EMCN: variants seen among roughly 807,000 people sequenced by gnomAD.
EMCN encodes the protein MUC-14.
EMCN carries 37 observed loss-of-function variants against 38.4 expected under a neutral mutation model. The ratio of observed to expected loss-of-function variants is 0.96; its 90% CI spans 0.74 to 1.27. EMCN has a LOEUF of 1.27. Among genes scored for constraint, EMCN ranks in the 50% most tolerant of loss-of-function variants. EMCN has a pLI of 0.00. For missense variants in EMCN, 318 were observed against 302.8 expected, an observed-to-expected ratio of 1.05 and a Z score of -0.37; for synonymous variants, 95 against 100.8, an observed-to-expected ratio of 0.94 and a Z score of 0.35.
chr4:100,511,104 G>A (rs1729614545), intron 1 of EMCN, among the ~76,000 whole-genome samples: 1 of 152,066 alleles, frequency 6.6e-6, no homozygotes, highest in Non-Finnish European at 1.5e-5. Flanking sequence ...TTACTCGAGC[G>A]GTAAGTCTTT....
At chr4:100,463,992 A>G (rs973718075) in intron 4 of EMCN, among the ~76,000 whole-genome samples, 1 of 152,196 alleles carries the variant, frequency 6.6e-6, no homozygotes, top group Admixed American at 6.5e-5. Flanking sequence ...TTAATCAATT[A>G]TTGATCAACT....
At chr4:100,514,950 TTAAC>T (rs1729715196) in intron 1 of EMCN, among the ~76,000 whole-genome samples, 1 of 152,074 alleles carries the variant, frequency 6.6e-6, no homozygotes, top group Non-Finnish European at 1.5e-5. Flanking sequence ...ACGGTGAGGG[TTAAC>T]TTTTATTAAG....
intron 1 of EMCN, among the ~76,000 whole-genome samples, chr4:100,495,973 T>C (rs529790919): frequency 9.2e-5 from 14 of 152,254 alleles, no homozygotes; most frequent in Admixed American, 5.9e-4. Context: ...TTATATTGAT[T>C]ATATGATTTA....
intron 1 of EMCN, among the ~76,000 whole-genome samples, chr4:100,511,581 G>A (rs1277828046): frequency 6.6e-6 from 1 of 152,120 alleles, no homozygotes; most frequent in African/African-American, 2.4e-5. Flanking sequence ...GCAAATAATT[G>A]CCTTAGAACA....
chr4:100,410,249 G>T, intron 11 of EMCN, 33 bp downstream of exon 11: 1 of 1,374,798 alleles, frequency 7.3e-7, no homozygotes, highest in South Asian at 1.2e-5. Context: ...AGATATTAAT[G>T]ATTGTCTCCG....
intron 5 of EMCN, among the ~76,000 whole-genome samples, chr4:100,429,199 G>A (rs1727132640): frequency 6.6e-6 from 1 of 152,112 alleles, no homozygotes; most frequent in Admixed American, 6.6e-5. Context: ...TCAGGGAAAG[G>A]AGAACATGAG....
At chr4:100,417,261 T>C in intron 8 of EMCN, 120 bp from the exon 9 acceptor site, 1 of 912,460 alleles carries the variant, frequency 1.1e-6, no homozygotes, top group Non-Finnish European at 1.8e-6. Flanking sequence ...TGTTTCTAAG[T>C]CATTTTAAAA....
intron 1 of EMCN, among the ~76,000 whole-genome samples, chr4:100,485,105 G>A (rs891870151): frequency 2.0e-5 from 3 of 152,052 alleles, no homozygotes; most frequent in African/African-American, 7.2e-5. Context: ...CTAATTACCA[G>A]GTGGTCTTAT....
At chr4:100,415,481 T>C (rs539226351) in intron 10 of EMCN, among the ~76,000 whole-genome samples, 2 of 152,328 alleles carry the variant, frequency 1.3e-5, no homozygotes, top group African/African-American at 4.8e-5. Flanking sequence ...TAAATGTATA[T>C]AAATGATATA....
At chr4:100,413,263 A>G (rs973608508) in intron 10 of EMCN, among the ~76,000 whole-genome samples, 2 of 152,190 alleles carry the variant, frequency 1.3e-5, no homozygotes, top group African/African-American at 4.8e-5. Context: ...TATTTGTTCT[A>G]TCAATTGTTT....
At chr4:100,438,940 G>T (rs1344398732) in intron 5 of EMCN, among the ~76,000 whole-genome samples, 1 of 151,836 alleles carries the variant, frequency 6.6e-6, no homozygotes, top group Non-Finnish European at 1.5e-5. Context: ...AATCCCACTT[G>T]GTCACAATAT....
chr4:100,453,362 G>T (rs909513683), intron 4 of EMCN, among the ~76,000 whole-genome samples: 1 of 152,030 alleles, frequency 6.6e-6, no homozygotes, highest in Non-Finnish European at 1.5e-5. Context: ...GTGGGCAAAG[G>T]ATATGAACAG....
rs576633846 is a variant in EMCN, at chr4:100,500,107, A to C, written c.64+17744T>G. Among the ~76,000 whole-genome samples, 4 of 152,296 alleles carry C rather than the reference A, an allele frequency of 2.6e-5. No homozygotes were observed. The East Asian group carries it at 7.7e-4, about 29-fold the overall frequency. ...GATAATACAGATTTATTTGTAAAAA[A>C]AAGAGTTTGTTATTGTCACAAAACA... is the stretch of plus-strand genomic sequence containing the variant. On this transcript the variant is annotated intron_variant, in intron 1 of 11. Coordinates refer to ENST00000296420, the MANE Select transcript of EMCN (RefSeq NM_016242.4).
chr4:100,452,768 C>T (rs1156378402), intron 4 of EMCN, among the ~76,000 whole-genome samples: 1 of 152,106 alleles, frequency 6.6e-6, no homozygotes, highest in Non-Finnish European at 1.5e-5. Context: ...CACTACCTGA[C>T]TTCAAACTAT....
chr4:100,464,895 T>G (rs1728273541), intron 4 of EMCN, among the ~76,000 whole-genome samples: 1 of 152,080 alleles, frequency 6.6e-6, no homozygotes, highest in Admixed American at 6.6e-5. Flanking sequence ...GATAATTATT[T>G]GTGCAGTGTT....
chr4:100,412,696 AT>A (rs1000213757), intron 10 of EMCN, among the ~76,000 whole-genome samples: 1 of 151,912 alleles, frequency 6.6e-6, no homozygotes, highest in Non-Finnish European at 1.5e-5. Context: ...TTTGATGCCC[AT>A]TTTTTTTCCT....
chr4:100,459,151 A>G (rs1378435774), intron 4 of EMCN, among the ~76,000 whole-genome samples: 1 of 143,670 alleles, frequency 7.0e-6, no homozygotes, highest in Non-Finnish European at 1.5e-5. Flanking sequence ...TCCTAGCTGG[A>G]GCCATTGCCC....
chr4:100,498,713 A>C (rs1040415848), intron 1 of EMCN, among the ~76,000 whole-genome samples: 1 of 152,192 alleles, frequency 6.6e-6, no homozygotes, highest in African/African-American at 2.4e-5. Context: ...AAGTGCTGGG[A>C]GTACAGGCGT....
At chr4:100,424,395 G>T (rs1024646266) in intron 5 of EMCN, among the ~76,000 whole-genome samples, 2 of 152,034 alleles carry the variant, frequency 1.3e-5, no homozygotes, top group African/African-American at 2.4e-5. Context: ...GGTACAGGGG[G>T]TATGCAGTCA....
Sources: gnomAD v4.1 joint callset for allele counts (sites outside exome capture counted in the v4.1 genomes callset) on GRCh38, gnomAD v4.1.1 for gene constraint, MANE v1.5 for transcripts, NCBI Gene and HGNC (gene_info 2026-07-23, HGNC 2026-07-21) for gene names.